The following ANXA8 variants were observed in gnomAD, a reference collection of about 807,000 sequenced individuals.
ANXA8 encodes the protein annexin A8.
Under a neutral mutation model 26.8 loss-of-function variants are expected in ANXA8, and 9 were observed. The ratio of observed to expected loss-of-function variants is 0.34; its 90% confidence interval spans 0.20 to 0.59. The LOEUF (loss-of-function observed/expected upper bound fraction) is 0.59. ANXA8 is among the 20% of genes least tolerant of loss of function. The pLI is 0.84. For missense variants in ANXA8, 83 were observed against 238.5 expected (o/e 0.35, Z 4.29); for synonymous variants, 39 against 94.8 (o/e 0.41, Z 3.42).
the ANXA8 span, among the ~76,000 whole-genome samples, chr10:47,548,140 TG>T: frequency 7.0e-6 from 1 of 143,338 alleles, no homozygotes; most frequent in African/African-American, 2.5e-5. Context: ...GACATTACAA[TG>T]GCACAACTTT....
chr10:47,979,073 A>ACC, the ANXA8 span, among the ~76,000 whole-genome samples: 203 of 151,540 alleles, frequency 1.3e-3, no homozygotes, highest in African/African-American at 4.7e-3. Context: ...TTATTACAAG[A>ACC]GACAAAGAAA....
the ANXA8 span, among the ~76,000 whole-genome samples, chr10:47,778,857 G>A: frequency 6.6e-6 from 1 of 151,368 alleles, no homozygotes; most frequent in African/African-American, 2.4e-5. Flanking sequence ...TATGATGGCT[G>A]ATTTCTGCTC....
At chr10:47,684,722 A>C in the ANXA8 span, among the ~76,000 whole-genome samples, 1 of 151,388 alleles carries the variant, frequency 6.6e-6, no homozygotes, top group Admixed American at 6.6e-5. Flanking sequence ...CGTAGCTGGG[A>C]TTACAGGTGT....
At chr10:47,554,824 C>T in the ANXA8 span, among the ~76,000 whole-genome samples, 1 of 152,132 alleles carries the variant, frequency 6.6e-6, no homozygotes, top group Non-Finnish European at 1.5e-5. Flanking sequence ...GCATGCTTCC[C>T]TTATCCCTGA....
chr10:47,734,189 C>T, the ANXA8 span, among the ~76,000 whole-genome samples: 12 of 139,310 alleles, frequency 8.6e-5, no homozygotes, highest in Admixed American at 8.6e-4. Flanking sequence ...GCTGGCATCC[C>T]AGCAACTGAC....
chr10:47,693,292 C>CTTTTT, the ANXA8 span, among the ~76,000 whole-genome samples: 86 of 140,852 alleles, frequency 6.1e-4, 2 homozygotes, highest in African/African-American at 2.2e-3. Context: ...CAAGTACAAT[C>CTTTTT]TTTTTTTTTT....
the ANXA8 span, among the ~76,000 whole-genome samples, chr10:47,646,060 A>G: frequency 1.3e-5 from 2 of 148,896 alleles, no homozygotes; most frequent in African/African-American, 5.2e-5. Context: ...TTCTCTATCT[A>G]TTTCATCTGT....
the ANXA8 span, among the ~76,000 whole-genome samples, chr10:47,683,130 GA>G: frequency 6.6e-6 from 1 of 151,264 alleles, no homozygotes; most frequent in African/African-American, 2.4e-5. Flanking sequence ...TGTTTCTGAG[GA>G]AAAAAATCAT....
At chr10:47,948,637 A>G in the ANXA8 span, among the ~76,000 whole-genome samples, 1 of 149,768 alleles carries the variant, frequency 6.7e-6, no homozygotes, top group Non-Finnish European at 1.5e-5. Context: ...AAGTATATGG[A>G]TCACATACTT....
At chr10:47,489,960 G>T in the ANXA8 span, among the ~76,000 whole-genome samples, 4 of 150,474 alleles carry the variant, frequency 2.7e-5, no homozygotes, top group South Asian at 8.4e-4. Flanking sequence ...GCTGGGAGAC[G>T]AGCTCAATGA....
chr10:47,749,423 CT>C, the ANXA8 span, among the ~76,000 whole-genome samples: 1 of 150,136 alleles, frequency 6.7e-6, no homozygotes, highest in Non-Finnish European at 1.5e-5. Context: ...TGAATATTGA[CT>C]GCACATAGCA....
chr10:47,687,216 G>C, the ANXA8 span, among the ~76,000 whole-genome samples: 1 of 151,740 alleles, frequency 6.6e-6, no homozygotes, highest in Non-Finnish European at 1.5e-5. Context: ...TCATTATCAT[G>C]GTAATGTTAT....
the ANXA8 span, among the ~76,000 whole-genome samples, chr10:47,567,519 C>A: frequency 2.0e-5 from 3 of 150,038 alleles, no homozygotes; most frequent in African/African-American, 4.9e-5. Context: ...CCCAGCCAGC[C>A]GCCTTCTCTG....
the ANXA8 span, among the ~76,000 whole-genome samples, chr10:47,577,025 G>C: frequency 4.1e-5 from 6 of 145,932 alleles, no homozygotes; most frequent in South Asian, 1.3e-3. Context: ...GGGATCTTCA[G>C]TAAGACTAAC....
At chr10:47,468,932 G>C (rs1309225260) in intron 11 of ANXA8, 26 bp from the exon 12 acceptor site, 20 of 1,609,446 alleles carry the variant, frequency 1.2e-5, no homozygotes, top group Non-Finnish European at 1.7e-5. Flanking sequence ...GCATAAGCGT[G>C]AGAAGGGGTT....
At chr10:47,693,537 G>A in the ANXA8 span, among the ~76,000 whole-genome samples, 1 of 151,638 alleles carries the variant, frequency 6.6e-6, no homozygotes, top group Non-Finnish European at 1.5e-5. Flanking sequence ...TGATCCGCCC[G>A]CCTCGGCCTC....
the ANXA8 span, among the ~76,000 whole-genome samples, chr10:47,973,843 T>C: frequency 6.6e-6 from 1 of 151,228 alleles, no homozygotes; most frequent in Non-Finnish European, 1.5e-5. Flanking sequence ...GTAGGATTGG[T>C]ACCAGTTCTT....
chr10:47,672,890 T>C, the ANXA8 span, among the ~76,000 whole-genome samples: 1 of 151,582 alleles, frequency 6.6e-6, no homozygotes. Flanking sequence ...GAAGTACGGT[T>C]TCTAAAAACC....
At chr10:47,546,784 A>C in the ANXA8 span, among the ~76,000 whole-genome samples, 1 of 141,822 alleles carries the variant, frequency 7.1e-6, no homozygotes, top group Middle Eastern at 3.3e-3. Context: ...TGTAATTTTA[A>C]TACTAAAGAT....
Sources: allele counts gnomAD v4.1 joint callset (sites outside exome capture counted in the v4.1 genomes callset), GRCh38; gene constraint gnomAD v4.1.1; transcripts MANE v1.5; gene names NCBI Gene and HGNC (gene_info 2026-07-23, HGNC 2026-07-21).